The following EPHA6 variants were observed in gnomAD, a reference collection of about 807,000 sequenced individuals.
EPHA6 encodes the protein EPH receptor A6, also known as ephrin type-A receptor 6.
A neutral mutation model predicts 112.0 loss-of-function variants in EPHA6; 50 were observed. The ratio of observed to expected loss-of-function variants is 0.45; its 90% CI spans 0.36 to 0.56. The LOEUF is 0.56. Among genes scored for constraint, EPHA6 ranks in the 20% least tolerant of loss-of-function variants. The pLI is 0.00. For synonymous variants in EPHA6, 529 were observed against 490.7 expected, an observed-to-expected ratio of 1.08 and a Z score of -1.03; for missense variants, 1,280 against 1,417.4, an observed-to-expected ratio of 0.90 and a Z score of 1.56.
chr3:97,084,605 A>T (rs2046836013), intron 3 of EPHA6, among the ~76,000 whole-genome samples: 1 of 152,110 alleles, frequency 6.6e-6, no homozygotes, highest in Non-Finnish European at 1.5e-5. Context: ...TTGCACCAAT[A>T]ACATTCAAGC....
intron 3 of EPHA6, among the ~76,000 whole-genome samples, chr3:97,187,393 A>C (rs2077169347): frequency 6.6e-6 from 1 of 151,890 alleles, no homozygotes; most frequent in Non-Finnish European, 1.5e-5. Flanking sequence ...AATAAGGTGA[A>C]ACCCCATCTC....
At chr3:97,454,864 A>C (rs549913882) in intron 7 of EPHA6, among the ~76,000 whole-genome samples, 1 of 152,098 alleles carries the variant, frequency 6.6e-6, no homozygotes, top group East Asian at 1.9e-4. Flanking sequence ...AAAGAGGACC[A>C]GCTGACCCTG....
intron 13 of EPHA6, among the ~76,000 whole-genome samples, chr3:97,624,538 G>C (rs1049727490): frequency 2.0e-5 from 3 of 151,438 alleles, no homozygotes; most frequent in Non-Finnish European, 4.4e-5. Flanking sequence ...TCTTTGTCTG[G>C]CTTTAGTATC....
intron 14 of EPHA6, among the ~76,000 whole-genome samples, chr3:97,704,819 A>G (rs531645310): frequency 4.8e-4 from 73 of 152,184 alleles, no homozygotes; most frequent in Non-Finnish European, 8.8e-4. Flanking sequence ...AATATGGGAA[A>G]TATTAAATCA....
chr3:97,421,477 A>G (rs1411249160), intron 6 of EPHA6, among the ~76,000 whole-genome samples: 1 of 152,154 alleles, frequency 6.6e-6, no homozygotes, highest in Non-Finnish European at 1.5e-5. Context: ...ATAAAATTTT[A>G]TAGAAAGACA....
At chr3:97,437,969 G>A (rs7624519) in intron 6 of EPHA6, among the ~76,000 whole-genome samples, 22,736 of 151,974 alleles carry the variant, frequency 0.15, 5,355 homozygotes, top group African/African-American at 0.5. Context: ...CCAAATTTAT[G>A]TGTGATTTTA....
intron 3 of EPHA6, among the ~76,000 whole-genome samples, chr3:97,054,194 A>C (rs1052481636): frequency 1.1e-4 from 16 of 150,440 alleles, no homozygotes. Flanking sequence ...ACACACACAC[A>C]CAACAGATTA....
At chr3:97,595,660 A>G (rs1003233615) in intron 12 of EPHA6, among the ~76,000 whole-genome samples, 1 of 145,274 alleles carries the variant, frequency 6.9e-6, no homozygotes, top group East Asian at 2.0e-4. Flanking sequence ...AAGAAAAAAA[A>G]GGAAATCACA....
chr3:96,914,312 G>C (rs1293997947), intron 2 of EPHA6, among the ~76,000 whole-genome samples: 1 of 152,030 alleles, frequency 6.6e-6, no homozygotes, highest in Non-Finnish European at 1.5e-5. Context: ...ACAAGTGAAT[G>C]CTTATTTGGT....
chr3:97,020,305 G>A (rs890354062), intron 3 of EPHA6, among the ~76,000 whole-genome samples: 10 of 152,070 alleles, frequency 6.6e-5, no homozygotes, highest in South Asian at 4.1e-4. Context: ...AGATATATGC[G>A]GATTCACTGA....
chr3:97,677,939 C>A (rs2031539477), intron 14 of EPHA6, among the ~76,000 whole-genome samples: 1 of 151,906 alleles, frequency 6.6e-6, no homozygotes, highest in African/African-American at 2.4e-5. Flanking sequence ...ATTAAGGGGA[C>A]ATTAATTCGT....
intron 3 of EPHA6, among the ~76,000 whole-genome samples, chr3:97,178,889 T>C (rs2076909074): frequency 6.6e-6 from 1 of 152,128 alleles, no homozygotes; most frequent in South Asian, 2.1e-4. Flanking sequence ...TATCTTTCTC[T>C]AAAGTTTGAA....
At chr3:96,973,716 C>T (rs570493888) in intron 2 of EPHA6, among the ~76,000 whole-genome samples, 103 of 150,014 alleles carry the variant, frequency 6.9e-4, no homozygotes, top group African/African-American at 2.5e-3. Context: ...ATCCCAGCTA[C>T]TTGGGAGGCT....
chr3:97,377,980 C>A (rs2085466976), intron 5 of EPHA6, among the ~76,000 whole-genome samples: 1 of 152,188 alleles, frequency 6.6e-6, no homozygotes, highest in Non-Finnish European at 1.5e-5. Context: ...CAAATATTTG[C>A]ATAAGTAATG....
chr3:97,519,700 G>C (rs148653319), intron 10 of EPHA6, among the ~76,000 whole-genome samples: 19 of 151,644 alleles, frequency 1.3e-4, no homozygotes, highest in Non-Finnish European at 2.2e-4. Context: ...TTATCTCCTT[G>C]GTTAAATTTA....
intron 5 of EPHA6, among the ~76,000 whole-genome samples, chr3:97,301,542 CTT>C (rs1166151129): frequency 6.6e-6 from 1 of 152,002 alleles, no homozygotes; most frequent in Non-Finnish European, 1.5e-5. Context: ...GAATAAATAG[CTT>C]GTCTATCATG....
chr3:97,731,547 G>A (rs1035091302), intron 15 of EPHA6, among the ~76,000 whole-genome samples: 1 of 152,012 alleles, frequency 6.6e-6, no homozygotes, highest in South Asian at 2.1e-4. Context: ...TACTGTGATC[G>A]AGAGGCTACC....
chr3:97,630,301 A>G (rs1202574151), intron 13 of EPHA6, among the ~76,000 whole-genome samples: 2 of 152,038 alleles, frequency 1.3e-5, no homozygotes, highest in Admixed American at 6.6e-5. Flanking sequence ...TTAAATTATA[A>G]TAAGATTTTC....
chr3:97,195,164 C>T lies in EPHA6; in HGVS notation c.1115-31100C>T, dbSNP rs186663373. ...CTTCTCTTTCTCCCTTTCCTTCTTT[C>T]TGTCTTCCTTTTTATAGAGATGATT... is the stretch of plus-strand genomic sequence containing the variant. On this transcript the variant is annotated intron_variant, in intron 3 of 17. Coordinates refer to ENST00000389672, the MANE Select transcript of EPHA6 (RefSeq NM_001080448.3). 2.8e-4 allele frequency among the ~76,000 whole-genome samples: 42 copies of T among 152,010 alleles called. 1 individual carries two copies. Among genetic ancestry groups the T allele is most frequent in the African/African-American group, 9.9e-4 (41 of 41,532 alleles).
Sources: gnomAD v4.1 joint callset for allele counts (sites outside exome capture counted in the v4.1 genomes callset) on GRCh38, gnomAD v4.1.1 for gene constraint, MANE v1.5 for transcripts, NCBI Gene and HGNC (gene_info 2026-07-23, HGNC 2026-07-21) for gene names.